The following CCSER1 variants were observed in gnomAD, a reference collection of about 807,000 sequenced individuals.
The protein encoded by CCSER1 is coiled-coil serine rich protein 1.
Under a neutral mutation model 82.0 loss-of-function variants are expected in CCSER1, and 41 were observed. That is an observed-to-expected ratio of 0.50 (90% CI 0.39 to 0.65). The LOEUF (loss-of-function observed/expected upper bound fraction) is 0.65. Among genes scored for constraint, CCSER1 ranks in the 30% least tolerant of loss-of-function variants. The pLI is 0.00. For synonymous variants in CCSER1, 414 were observed against 383.9 expected, an observed-to-expected ratio of 1.08 and a Z score of -0.92; for missense variants, 1,119 against 1,064.2, an observed-to-expected ratio of 1.05 and a Z score of -0.72.
intron 1 of CCSER1, among the ~76,000 whole-genome samples, chr4:90,303,730 C>T (rs1236552721): frequency 6.6e-6 from 1 of 152,174 alleles, no homozygotes; most frequent in East Asian, 1.9e-4. Flanking sequence ...CCATTCAGGA[C>T]ATAGGCATGC....
At chr4:90,209,616 G>A (rs998050586) in intron 1 of CCSER1, among the ~76,000 whole-genome samples, 1 of 151,998 alleles carries the variant, frequency 6.6e-6, no homozygotes, top group African/African-American at 2.4e-5. Flanking sequence ...TTTTATTTGA[G>A]AACAATGGAA....
chr4:90,502,223 C>A (rs756689360), intron 5 of CCSER1, among the ~76,000 whole-genome samples: 6 of 151,998 alleles, frequency 3.9e-5, no homozygotes, highest in Non-Finnish European at 4.4e-5. Context: ...CTAGGGAGAC[C>A]TCAGGAAACT....
chr4:91,091,419 A>G (rs543507791), intron 10 of CCSER1, among the ~76,000 whole-genome samples: 1 of 152,234 alleles, frequency 6.6e-6, no homozygotes, highest in African/African-American at 2.4e-5. Flanking sequence ...CATAATAACT[A>G]TAGAACAAAA....
intron 6 of CCSER1, among the ~76,000 whole-genome samples, chr4:90,722,602 T>C (rs1742864161): frequency 6.6e-6 from 1 of 151,930 alleles, no homozygotes; most frequent in South Asian, 2.1e-4. Context: ...TGTATTTTCC[T>C]ACTTCCTTTA....
At chr4:90,539,092 T>C (rs912060795) in intron 5 of CCSER1, among the ~76,000 whole-genome samples, 1 of 152,026 alleles carries the variant, frequency 6.6e-6, no homozygotes, top group Non-Finnish European at 1.5e-5. Context: ...TCTAAATAAT[T>C]TCAGAAAATT....
intron 8 of CCSER1, among the ~76,000 whole-genome samples, chr4:90,887,905 A>G (rs1722388105): frequency 6.6e-6 from 1 of 152,070 alleles, no homozygotes; most frequent in African/African-American, 2.4e-5. Flanking sequence ...AAACAACAAC[A>G]ACAAAAACAC....
chr4:91,054,347 C>A (rs745526747), intron 9 of CCSER1, among the ~76,000 whole-genome samples: 1 of 152,162 alleles, frequency 6.6e-6, no homozygotes, highest in African/African-American at 2.4e-5. Flanking sequence ...AAATCAACAT[C>A]TTTTCAGCTT....
At chr4:90,659,084 CTT>C (rs3042301) in intron 6 of CCSER1, among the ~76,000 whole-genome samples, 23 of 138,080 alleles carry the variant, frequency 1.7e-4, no homozygotes, top group East Asian at 1.3e-3. Context: ...TATGAGAGGG[CTT>C]TTTTTTTTTT....
chr4:90,920,614 A>C (rs533621046), intron 8 of CCSER1, among the ~76,000 whole-genome samples: 1 of 151,894 alleles, frequency 6.6e-6, no homozygotes, highest in Non-Finnish European at 1.5e-5. Flanking sequence ...TCTACATTCC[A>C]AATTATTTAA....
At chr4:90,576,471 AAC>A (rs1780784392) in intron 5 of CCSER1, among the ~76,000 whole-genome samples, 1 of 152,178 alleles carries the variant, frequency 6.6e-6, no homozygotes, top group South Asian at 2.1e-4. Context: ...CCATTGTACT[AAC>A]ACACAGAGTA....
At chr4:90,957,489 AT>A (rs1171899545) in intron 9 of CCSER1, among the ~76,000 whole-genome samples, 6 of 134,016 alleles carry the variant, frequency 4.5e-5, no homozygotes, top group Non-Finnish European at 9.4e-5. Context: ...ATATTATAAT[AT>A]TATTATATAA....
At position 91,576,584 on chromosome 4, in the gene CCSER1, T is replaced by C. The variant is rs1763461078; in HGVS notation, c.2218-21988T>C. ...CCGAAATGTTTGGGACCAGAAGCAT[T>C]TTAGAGTTGGAGTTTTTCAGATTTT... On this transcript the variant is annotated intron_variant, in intron 10 of 10. Transcript: ENST00000509176. 2.0e-5 allele frequency among the ~76,000 whole-genome samples: 3 copies of C among 151,898 alleles called. No individual in the cohort carries two copies. In the South Asian group the frequency reaches 6.2e-4, roughly 32 times the overall value.
intron 9 of CCSER1, among the ~76,000 whole-genome samples, chr4:90,955,860 G>A (rs1322768087): frequency 6.6e-6 from 1 of 152,000 alleles, no homozygotes; most frequent in South Asian, 2.1e-4. Flanking sequence ...AATATGTCCT[G>A]CTTCGAAAGA....
chr4:91,532,732 G>T (rs1011299031), intron 10 of CCSER1, among the ~76,000 whole-genome samples: 42 of 151,898 alleles, frequency 2.8e-4, no homozygotes, highest in African/African-American at 9.9e-4. Flanking sequence ...GATGGGTGTG[G>T]TGGCATGCAC....
intron 8 of CCSER1, among the ~76,000 whole-genome samples, chr4:90,917,429 C>A (rs900724949): frequency 1.3e-5 from 2 of 152,078 alleles, no homozygotes; most frequent in African/African-American, 4.8e-5. Context: ...AAAACAAACA[C>A]CGCATGTTCT....
intron 3 of CCSER1, among the ~76,000 whole-genome samples, chr4:90,354,293 G>C (rs1166957561): frequency 3.9e-5 from 6 of 152,096 alleles, no homozygotes; most frequent in Non-Finnish European, 7.4e-5. Flanking sequence ...AGATTAGGGG[G>C]CTAGGGAAAT....
chr4:90,763,046 G>C (rs1208277087), intron 7 of CCSER1, among the ~76,000 whole-genome samples: 3 of 151,978 alleles, frequency 2.0e-5, no homozygotes, highest in African/African-American at 7.2e-5. Flanking sequence ...TGCTGTAAAT[G>C]GTCAAAGTGA....
At chr4:91,010,650 A>T (rs1157972466) in intron 9 of CCSER1, among the ~76,000 whole-genome samples, 1 of 134,920 alleles carries the variant, frequency 7.4e-6, no homozygotes, top group Non-Finnish European at 1.7e-5. Context: ...TACATGATGT[A>T]TCTTCAAGTT....
At chr4:90,580,213 T>C (rs764626920) in intron 5 of CCSER1, among the ~76,000 whole-genome samples, 1 of 152,184 alleles carries the variant, frequency 6.6e-6, no homozygotes, top group Non-Finnish European at 1.5e-5. Context: ...TGATATTATC[T>C]GTGGAATTAA....
Sources: allele counts gnomAD v4.1 joint callset (sites outside exome capture counted in the v4.1 genomes callset), GRCh38; gene constraint gnomAD v4.1.1; transcripts MANE v1.5; gene names NCBI Gene and HGNC (gene_info 2026-07-23, HGNC 2026-07-21).